WRN: variants seen among roughly 807,000 people sequenced by gnomAD.
WRN encodes WRN RecQ like helicase.
Under a neutral mutation model 180.7 loss-of-function variants are expected in WRN, and 149 were observed. The observed-to-expected ratio is 0.82, with a 90% CI of 0.72 to 0.94. The LOEUF is 0.94. Among genes scored for constraint, WRN ranks in the 40% least tolerant of loss-of-function variants. The probability of loss-of-function intolerance (pLI) is 0.00; values close to 1 mark genes in which losing one functional copy is unlikely to be tolerated. For missense variants in WRN, 1,661 were observed against 1,700.1 expected (o/e 0.98, Z 0.40); for synonymous variants, 548 against 568.9 (o/e 0.96, Z 0.52).
chr8:31,163,598 A>G (rs1028852824), intron 33 of WRN, among the ~76,000 whole-genome samples: 1 of 152,148 alleles, frequency 6.6e-6, no homozygotes, highest in Non-Finnish European at 1.5e-5. Context: ...GAGTGAAACA[A>G]ATTAACTTAT....
chr8:31,056,032 T>G (rs1812258650), intron 1 of WRN, among the ~76,000 whole-genome samples: 1 of 152,218 alleles, frequency 6.6e-6, no homozygotes, highest in Non-Finnish European at 1.5e-5. Context: ...CCTGGAAGTA[T>G]CTAGATAGAA....
At chr8:31,035,433 C>G (rs532667014) in intron 1 of WRN, among the ~76,000 whole-genome samples, 29 of 152,158 alleles carry the variant, frequency 1.9e-4, no homozygotes, top group African/African-American at 6.5e-4. Context: ...TACAAAGGCC[C>G]TGGGGGAACC....
chr8:31,096,735 T>C (rs779119130), intron 16 of WRN, 33 bp from the exon 17 acceptor site: 24 of 1,532,096 alleles, frequency 1.6e-5, no homozygotes, highest in African/African-American at 2.8e-5. Context: ...CCTGTTTTTT[T>C]TTTTTTCTTT....
At position 31,074,529 on chromosome 8, in the gene WRN, A is replaced by G. The variant is rs187694746; in HGVS notation, c.725-1644A>G. 1.5e-3 allele frequency among the ~76,000 whole-genome samples: 222 copies of G among 152,328 alleles called. 1 individual carries two copies. Among genetic ancestry groups the G allele is most frequent in the African/African-American group, 5.2e-3 (215 of 41,582 alleles). On this transcript the variant is annotated intron_variant, in intron 7 of 34. Coordinates refer to ENST00000298139, the MANE Select transcript of WRN (RefSeq NM_000553.6). ...ACAAAGAAAGGAAGAGGTTTGAAAT[A>G]GTCATTTTGAGAGTGGGAAATGTAG... is the stretch of plus-strand genomic sequence containing the variant.
At chr8:31,147,704 A>C (rs1465340162) in intron 30 of WRN, among the ~76,000 whole-genome samples, 1 of 152,064 alleles carries the variant, frequency 6.6e-6, no homozygotes, top group East Asian at 1.9e-4. Context: ...TATAAAATCT[A>C]ACTCATTATT....
chr8:31,083,640 A>G (rs1585431169), intron 9 of WRN, 59 bp from the exon 10 acceptor site: 2 of 1,385,562 alleles, frequency 1.4e-6, no homozygotes, highest in Middle Eastern at 1.9e-4. Flanking sequence ...TTTGTTCTGC[A>G]GAAAAGAGGA....
chr8:31,122,638 GA>G (rs1326709430), intron 21 of WRN, among the ~76,000 whole-genome samples: 3 of 151,818 alleles, frequency 2.0e-5, no homozygotes, highest in Non-Finnish European at 2.9e-5. Flanking sequence ...GAATGGTTTA[GA>G]ATTTTTTTAA....
intron 18 of WRN, among the ~76,000 whole-genome samples, chr8:31,109,420 G>A (rs1405022531): frequency 1.3e-5 from 2 of 152,140 alleles, no homozygotes; most frequent in Non-Finnish European, 2.9e-5. Flanking sequence ...CAGATTGCTG[G>A]AATAGGGAAT....
chr8:31,058,537 A>G lies in WRN; in HGVS notation c.90A>G (p.Glu30=). The G allele has an allele frequency of 3.1e-6, 5 of 1,613,688 alleles. No individual in the cohort carries two copies. In the East Asian group the frequency reaches 1.1e-4, roughly 36 times the overall value. Residue 30 remains glutamate, a synonymous_variant, in exon 2 of 35, where the codon GAA becomes GAG. Coordinates refer to ENST00000298139, the MANE Select transcript of WRN (RefSeq NM_000553.6). The part of the protein sequence containing the change: ...NVQNKRCAVE[E]RKACVRKSVF... ...AGAATAAAAGATGTGCTGTAGAAGA[A>G]AGAAAGGTATGTTGTTCATTGACTA...
At chr8:31,058,159 T>C (rs1281695003) in intron 1 of WRN, among the ~76,000 whole-genome samples, 1 of 152,166 alleles carries the variant, frequency 6.6e-6, no homozygotes, top group African/African-American at 2.4e-5. Context: ...AATAATAGAA[T>C]TTCGAAACTA....
At chr8:31,142,866 A>G (rs749187542) in intron 27 of WRN, among the ~76,000 whole-genome samples, 165 bp downstream of exon 27, 2 of 152,140 alleles carry the variant, frequency 1.3e-5, no homozygotes, top group South Asian at 2.1e-4. Context: ...AATTTATTGT[A>G]TATAATTTCT....
chr8:31,120,341 T>A lies in WRN; in HGVS notation c.2547T>A (p.Tyr849Ter). ...YGAPKDMESYYQEIGRAGRDG... is the reference protein window; with the variant it reads ...YGAPKDMESY ...CTCCTAAGGACATGGAATCATATTA[T>A]CAGGAGATTGGTAGAGCTGGTCGTG... The change falls in exon 21 of 35, where the codon TAT (tyrosine) becomes TAA (stop). Residue 849 changes from tyrosine (Y) to a stop codon, truncating the protein, a stop_gained. Coordinates refer to ENST00000298139, the MANE Select transcript of WRN (RefSeq NM_000553.6). LOFTEE classifies it high-confidence loss of function. The A allele has an allele frequency of 2.5e-6, 4 of 1,613,040 alleles. No individual in the cohort carries two copies. Among genetic ancestry groups the A allele is most frequent in the Non-Finnish European group, 3.4e-6 (4 of 1,179,190 alleles).
chr8:31,040,306 A>G lies in WRN; in HGVS notation c.-77+6333A>G, dbSNP rs1235524352. On this transcript the variant is annotated intron_variant, in intron 1 of 34. Transcript: ENST00000298139. ...CTATCAAAGTTTGAAGTTAAGAGGA[A>G]TGGTCTAGGCTGTTTATATAACTTT... Among the ~76,000 whole-genome samples, 8 of 152,312 alleles carry G rather than the reference A, an allele frequency of 5.3e-5. No homozygotes were observed. In the East Asian group the frequency reaches 1.3e-3, roughly 26 times the overall value.
intron 29 of WRN, 97 bp downstream of exon 29, chr8:31,147,225 T>C: frequency 6.7e-7 from 1 of 1,500,678 alleles, no homozygotes; most frequent in Non-Finnish European, 9.3e-7. Context: ...TTAAAAATTG[T>C]TCTTAAGCTA....
intron 1 of WRN, among the ~76,000 whole-genome samples, chr8:31,046,614 C>T (rs1811873624): frequency 6.6e-6 from 1 of 152,162 alleles, no homozygotes; most frequent in African/African-American, 2.4e-5. Flanking sequence ...TAGGCTAGCT[C>T]CTCAGTGGAG....
intron 17 of WRN, among the ~76,000 whole-genome samples, chr8:31,099,569 G>T (rs10107800): frequency 0.041 from 5,610 of 137,162 alleles, 410 homozygotes; most frequent in African/African-American, 0.14. Context: ...TTGTTTGTTT[G>T]TTTTTTTTTT....
At chr8:31,170,356 A>G (rs547347442) in intron 34 of WRN, among the ~76,000 whole-genome samples, 2 of 151,774 alleles carry the variant, frequency 1.3e-5, no homozygotes, top group East Asian at 3.9e-4. Context: ...AATGTATGAC[A>G]TTTCCTGCTT....
intron 10 of WRN, 83 bp downstream of exon 10, chr8:31,083,862 T>C (rs1204534118): frequency 3.4e-5 from 46 of 1,366,732 alleles, no homozygotes; most frequent in South Asian, 1.8e-4. Context: ...AATTCTAAAC[T>C]AGGTTCTACC....
intron 32 of WRN, among the ~76,000 whole-genome samples, chr8:31,156,152 A>G (rs756664739): frequency 1.3e-5 from 2 of 152,248 alleles, no homozygotes; most frequent in Non-Finnish European, 2.9e-5. Flanking sequence ...TATAGTAGAA[A>G]TGAAAACAGT....
Sources: gnomAD v4.1 joint callset for allele counts (sites outside exome capture counted in the v4.1 genomes callset) on GRCh38, gnomAD v4.1.1 for gene constraint, MANE v1.5 for transcripts, NCBI Gene and HGNC (gene_info 2026-07-23, HGNC 2026-07-21) for gene names.